MAN1A1: variants seen among roughly 807,000 people sequenced by gnomAD.
MAN1A1 encodes mannosyl-oligosaccharide 1,2-alpha-mannosidase IA.
A neutral mutation model predicts 70.8 loss-of-function variants in MAN1A1; 29 were observed. That is an observed-to-expected ratio of 0.41 (90% CI 0.31 to 0.56). The LOEUF is 0.56. Ranked by LOEUF, MAN1A1 falls within the 20% of genes least tolerant of loss-of-function variation. The probability of loss-of-function intolerance (pLI) is 0.29; values close to 1 mark genes in which losing one functional copy is unlikely to be tolerated. For missense variants in MAN1A1, 747 were observed against 841.3 expected (o/e 0.89, Z 1.39); for synonymous variants, 349 against 330.1 (o/e 1.06, Z -0.62).
In MAN1A1 at chr6:119,188,588, T is replaced by A. The variant is rs1189805973; in HGVS notation, c.1547-11A>T. 4 of 1,609,084 alleles carry A rather than the reference T, an allele frequency of 2.5e-6. No individual in the cohort carries two copies. Among genetic ancestry groups the A allele is most frequent in the African/African-American group, 1.3e-5 (1 of 74,502 alleles). On this transcript the variant is annotated splice_polypyrimidine_tract_variant and intron_variant, in intron 10 of 12. Coordinates refer to ENST00000368468, the MANE Select transcript of MAN1A1 (RefSeq NM_005907.4). ...GTCCCAGTTTCATAACTAAAGGACATGGAATGAATGAATAAGGGTTATTTT... is the reference window on the plus strand; with the variant it reads ...GTCCCAGTTTCATAACTAAAGGACAAGGAATGAATGAATAAGGGTTATTTT...
intron 2 of MAN1A1, among the ~76,000 whole-genome samples, chr6:119,335,122 G>A (rs1397471182): frequency 6.6e-6 from 1 of 152,212 alleles, no homozygotes; most frequent in Non-Finnish European, 1.5e-5. Flanking sequence ...ACAACTAAAA[G>A]GGGAGGCAAC....
intron 7 of MAN1A1, among the ~76,000 whole-genome samples, chr6:119,204,396 C>G (rs889062854): frequency 5.9e-5 from 9 of 152,338 alleles, no homozygotes; most frequent in African/African-American, 2.2e-4. Flanking sequence ...ACCAATTCAG[C>G]TGCAACATCA....
intron 11 of MAN1A1, among the ~76,000 whole-genome samples, chr6:119,183,294 G>A (rs1254580131): frequency 1.3e-5 from 2 of 152,216 alleles, no homozygotes; most frequent in East Asian, 1.9e-4. Flanking sequence ...AAATAAGACC[G>A]ATCAACTTAA....
chr6:119,195,803 T>C (rs1309446727), intron 8 of MAN1A1, among the ~76,000 whole-genome samples: 1 of 152,226 alleles, frequency 6.6e-6, no homozygotes, highest in Non-Finnish European at 1.5e-5. Context: ...ATTTTCTTTT[T>C]GCAGAAAGTG....
rs1562178654 is a variant in MAN1A1 at position 119,179,567 on chromosome 6, T to C, written c.*252A>G. 1 of 262,080 alleles carries C rather than the reference T, an allele frequency of 3.8e-6. No individual in the cohort carries two copies. The highest frequency in any genetic ancestry group is 6.6e-5 in the South Asian group (1 of 15,210). 16.2% of individuals were successfully genotyped at this position (262,080 alleles called of 1,614,324 possible). The stretch of plus-strand genomic sequence containing the variant: ...AAAACGATATTACACCTTCATGAAA[T>C]CCAGAGATAATAGGTTACTTAAAAA... On this transcript the variant is annotated 3_prime_UTR_variant, in exon 13 of 13. Transcript: ENST00000368468.
intron 2 of MAN1A1, among the ~76,000 whole-genome samples, chr6:119,315,631 A>C (rs1355799096): frequency 6.6e-6 from 1 of 152,238 alleles, no homozygotes; most frequent in Admixed American, 6.5e-5. Context: ...ACTTGACCAA[A>C]ATATAAGTCC....
chr6:119,347,537 G>A (rs1250500564), intron 2 of MAN1A1, among the ~76,000 whole-genome samples: 2 of 152,194 alleles, frequency 1.3e-5, no homozygotes, highest in African/African-American at 4.8e-5. Context: ...GTAGCTCAGA[G>A]AGGAGGCATG....
intron 5 of MAN1A1, among the ~76,000 whole-genome samples, chr6:119,261,288 T>G (rs1775607900): frequency 6.6e-6 from 1 of 152,204 alleles, no homozygotes; most frequent in Admixed American, 6.5e-5. Flanking sequence ...CTATTGCTTT[T>G]TAAAGCTATT....
intron 5 of MAN1A1, among the ~76,000 whole-genome samples, chr6:119,261,925 T>C (rs778731582): frequency 4.6e-5 from 7 of 152,206 alleles, no homozygotes; most frequent in South Asian, 2.1e-4. Context: ...GATAGCAGCA[T>C]GTGTGTTTAA....
chr6:119,332,487 T>G (rs1336641707), intron 2 of MAN1A1, among the ~76,000 whole-genome samples: 1 of 152,200 alleles, frequency 6.6e-6, no homozygotes, highest in African/African-American at 2.4e-5. Flanking sequence ...TTGTTATTCA[T>G]AAACCAAAAA....
intron 2 of MAN1A1, among the ~76,000 whole-genome samples, chr6:119,330,597 A>T (rs998403049): frequency 2.6e-5 from 4 of 152,146 alleles, no homozygotes; most frequent in African/African-American, 9.7e-5. Context: ...TATTTCTGCA[A>T]CTTGAAACCC....
chr6:119,212,652 A>G (rs1774087319), intron 6 of MAN1A1, among the ~76,000 whole-genome samples: 1 of 152,190 alleles, frequency 6.6e-6, no homozygotes, highest in Non-Finnish European at 1.5e-5. Flanking sequence ...GAGTAGAGGA[A>G]AAACAGTTTT....
intron 6 of MAN1A1, among the ~76,000 whole-genome samples, chr6:119,241,966 G>A (rs1452736693): frequency 2.0e-5 from 3 of 150,274 alleles, no homozygotes; most frequent in African/African-American, 7.3e-5. Flanking sequence ...GTGTGTGTGT[G>A]TGTGTGTATA....
At position 119,319,359 on chromosome 6, in the gene MAN1A1, A is replaced by AAAT. The variant is rs199629407; in HGVS notation, c.604-12370_604-12368dup. On this transcript the variant is annotated intron_variant, in intron 2 of 12. Coordinates refer to ENST00000368468, the MANE Select transcript of MAN1A1 (RefSeq NM_005907.4). Reference sequence around the variant, plus strand: ...TGATTTTTTTTCTTCAAAATGGTAAAAATAATAATAATAATAATAATAATA... The same window carrying AAAT: ...TGATTTTTTTTCTTCAAAATGGTAAAAATAATAATAATAATAATAATAATAATA... Among the ~76,000 whole-genome samples, 93 of 147,820 alleles carry AAAT rather than the reference A, an allele frequency of 6.3e-4. 1 individual carries two copies. Among genetic ancestry groups the AAAT allele is most frequent in the East Asian group, 2.6e-3 (13 of 5,058 alleles).
At chr6:119,315,734 T>C (rs1043479718) in intron 2 of MAN1A1, among the ~76,000 whole-genome samples, 5 of 152,238 alleles carry the variant, frequency 3.3e-5, no homozygotes, top group African/African-American at 1.2e-4. Flanking sequence ...TCTAGTCCAT[T>C]CCTTTTTGGA....
rs142192837 is a variant in MAN1A1, at chr6:119,210,898, G to C, written c.993-6016C>G. ...CAATGATATCCCACCTCATATGGTA[G>C]CCTCCATAGCCCTTGGGATATTGCA... On this transcript the variant is annotated intron_variant, in intron 6 of 12. Coordinates refer to ENST00000368468, the MANE Select transcript of MAN1A1 (RefSeq NM_005907.4). 910 of 455,818 alleles carry C rather than the reference G, an allele frequency of 2.0e-3. 2 individuals are homozygous for C. Among genetic ancestry groups the C allele is most frequent in the Non-Finnish European group, 3.4e-3 (772 of 226,614 alleles). 28.2% of individuals were successfully genotyped at this position (455,818 alleles called of 1,614,324 possible).
At chr6:119,347,358 G>A (rs527449223) in intron 2 of MAN1A1, among the ~76,000 whole-genome samples, 2 of 152,110 alleles carry the variant, frequency 1.3e-5, no homozygotes, top group African/African-American at 4.8e-5. Flanking sequence ...TACCCAATAT[G>A]AAAATACAAT....
chr6:119,292,237 A>G (rs1772050297), intron 4 of MAN1A1, among the ~76,000 whole-genome samples: 1 of 152,004 alleles, frequency 6.6e-6, no homozygotes, highest in South Asian at 2.1e-4. Flanking sequence ...TTTAGATTAT[A>G]AAGCACATTT....
At chr6:119,222,325 G>C (rs1562198664) in intron 6 of MAN1A1, among the ~76,000 whole-genome samples, 2 of 143,622 alleles carry the variant, frequency 1.4e-5, no homozygotes, top group African/African-American at 5.1e-5. Flanking sequence ...TTTTTTTAAG[G>C]ATTTTTTTTT....
Sources: allele counts gnomAD v4.1 joint callset (sites outside exome capture counted in the v4.1 genomes callset), GRCh38; gene constraint gnomAD v4.1.1; transcripts MANE v1.5; gene names NCBI Gene and HGNC (gene_info 2026-07-23, HGNC 2026-07-21).